The following CECR2 variants were observed in gnomAD, a reference collection of about 807,000 sequenced individuals.
The protein encoded by CECR2 is CECR2 histone acetyl-lysine reader.
In CECR2, 30 loss-of-function variants were observed where a neutral mutation model predicts 154.5. The ratio of observed to expected loss-of-function variants is 0.19; its 90% CI spans 0.15 to 0.26. The LOEUF (loss-of-function observed/expected upper bound fraction) is 0.26, where lower values mean the gene tolerates loss of function less well. CECR2 is among the 10% of genes least tolerant of loss of function. The pLI is 1.00. For missense variants in CECR2, 1,743 were observed against 1,829.3 expected, an observed-to-expected ratio of 0.95 and a Z score of 0.86; for synonymous variants, 725 against 683.7, an observed-to-expected ratio of 1.06 and a Z score of -0.94.
chr22:17,410,270 C>T (rs1308535147), intron 1 of CECR2, among the ~76,000 whole-genome samples: 11 of 152,208 alleles, frequency 7.2e-5, no homozygotes, highest in East Asian at 1.9e-4. Flanking sequence ...TGAGCCACCG[C>T]GCCCGGCCCT....
chr22:17,414,180 G>A (rs1433251865), intron 1 of CECR2, among the ~76,000 whole-genome samples: 6 of 151,640 alleles, frequency 4.0e-5, no homozygotes, highest in African/African-American at 7.3e-5. Context: ...CACTGTGTTA[G>A]CCAGGATGGT....
chr22:17,529,019 G>T (rs530937539), intron 9 of CECR2, among the ~76,000 whole-genome samples: 2 of 152,082 alleles, frequency 1.3e-5, no homozygotes, highest in East Asian at 3.9e-4. Context: ...CCCCTTGAGC[G>T]CAGGAGATCG....
chr22:17,482,008 G>A (rs60014742), intron 2 of CECR2, among the ~76,000 whole-genome samples: 34,261 of 149,052 alleles, frequency 0.23, 4,558 homozygotes, highest in Non-Finnish European at 0.3. Context: ...CCAGCTACTC[G>A]GGAGACTGAG....
intron 1 of CECR2, among the ~76,000 whole-genome samples, chr22:17,406,962 A>C (rs1249702292): frequency 6.6e-6 from 1 of 152,208 alleles, no homozygotes; most frequent in Non-Finnish European, 1.5e-5. Context: ...GTAAACAAGC[A>C]GATGTGTCAG....
At chr22:17,372,056 C>T (rs537161438) in intron 1 of CECR2, among the ~76,000 whole-genome samples, 21 of 152,272 alleles carry the variant, frequency 1.4e-4, no homozygotes, top group African/African-American at 4.6e-4. Context: ...TATGACTGTC[C>T]TCTCTTTTGA....
At chr22:17,364,926 G>T (rs1234415861), upstream of CECR2, among the ~76,000 whole-genome samples, 3 of 152,126 alleles carry the variant, frequency 2.0e-5, no homozygotes, top group Admixed American at 1.3e-4. Flanking sequence ...TGGCTGAACA[G>T]TTAGATTTGG....
intron 1 of CECR2, among the ~76,000 whole-genome samples, chr22:17,463,875 G>C (rs2518752): frequency 0.29 from 43,957 of 152,010 alleles, 6,952 homozygotes; most frequent in Non-Finnish European, 0.36. Flanking sequence ...AGAGGTCCAA[G>C]GGGTGGTTCT....
At chr22:17,524,292 G>A (rs1207121066) in intron 9 of CECR2, 21 bp downstream of exon 9, 2 of 1,601,944 alleles carry the variant, frequency 1.2e-6, no homozygotes, top group Non-Finnish European at 1.7e-6. Flanking sequence ...TGTCCGCGTG[G>A]TCTGGAGAGG....
intron 16 of CECR2, among the ~76,000 whole-genome samples, chr22:17,547,090 TACAC>T (rs2056626465): frequency 6.6e-6 from 1 of 151,548 alleles, no homozygotes; most frequent in East Asian, 1.9e-4. Context: ...TACACACACT[TACAC>T]ACTATTGTAT....
chr22:17,414,819 A>G (rs1218133046), intron 1 of CECR2, among the ~76,000 whole-genome samples: 2 of 151,976 alleles, frequency 1.3e-5, no homozygotes, highest in Admixed American at 1.3e-4. Flanking sequence ...GGGCAGTGGG[A>G]GTGGATTATA....
At chr22:17,541,720 C>G (rs551511076) in intron 14 of CECR2, 119 bp from the exon 15 acceptor site, 3 of 1,259,050 alleles carry the variant, frequency 2.4e-6, no homozygotes, top group Non-Finnish European at 3.2e-6. Context: ...TGTCTCCAGC[C>G]GAGGTTTAGT....
rs189252201 is a variant in CECR2, at chr22:17,487,426, G to A, written c.221+9744G>A. On this transcript the variant is annotated intron_variant, in intron 2 of 18. Coordinates refer to ENST00000262608, the MANE Select transcript of CECR2 (RefSeq NM_001290047.2). The stretch of plus-strand genomic sequence containing the variant: ...TAAAAATATTTTTCATTGGTTGGGC[G>A]CGGTGGCTCATGCCTGTAATCCCAG... Among the ~76,000 whole-genome samples, 8 of 152,276 alleles carry A rather than the reference G, an allele frequency of 5.3e-5. No individual in the cohort carries two copies. The East Asian group carries it at 5.8e-4, about 11-fold the overall frequency.
At position 17,482,102 on chromosome 22, in the gene CECR2, G is replaced by A. The variant is rs189033353; in HGVS notation, c.221+4420G>A. Among the ~76,000 whole-genome samples the A allele has an allele frequency of 6.5e-3, 702 of 108,738 alleles. 19 individuals are homozygous for A. The highest frequency in any genetic ancestry group is 0.025 in the African/African-American group (657 of 25,932). 71.3% of individuals were successfully genotyped at this position (108,738 alleles called of 152,430 possible). A position where few individuals can be genotyped will look rare whatever the true frequency, so the allele number is the denominator to read the frequency against. Reference sequence around the variant, plus strand: ...TGCTCTCCAGCCTGGGTGACAGATCGAGACTCTGTCTCCAAAAAAAAAAAA... The same window carrying A: ...TGCTCTCCAGCCTGGGTGACAGATCAAGACTCTGTCTCCAAAAAAAAAAAA... On this transcript the variant is annotated intron_variant, in intron 2 of 18. Coordinates refer to ENST00000262608, the MANE Select transcript of CECR2 (RefSeq NM_001290047.2).
intron 2 of CECR2, among the ~76,000 whole-genome samples, chr22:17,480,785 A>G (rs1249744458): frequency 6.6e-6 from 1 of 152,120 alleles, no homozygotes; most frequent in Admixed American, 6.5e-5. Context: ...CATGCCTATA[A>G]TCTCAGCACT....
intron 9 of CECR2, among the ~76,000 whole-genome samples, chr22:17,532,754 A>G (rs1296789): frequency 0.17 from 17,771 of 102,058 alleles, 1,638 homozygotes; most frequent in Non-Finnish European, 0.22. Flanking sequence ...GTCTCACTCT[A>G]TTACTCAGGC....
chr22:17,519,298 T>G (rs1331204938), intron 8 of CECR2, among the ~76,000 whole-genome samples: 14 of 148,414 alleles, frequency 9.4e-5, no homozygotes, highest in East Asian at 3.9e-4. Context: ...TTGTGTTTTT[T>G]TTTTTTTTTT....
intron 1 of CECR2, among the ~76,000 whole-genome samples, chr22:17,360,678 G>GA (rs34750748): frequency 1.4e-3 from 186 of 133,676 alleles, no homozygotes; most frequent in South Asian, 2.2e-3. Context: ...CTCCATCTCG[G>GA]AAAAAAAAAA....
At chr22:17,415,319 C>T (rs566811529) in intron 1 of CECR2, among the ~76,000 whole-genome samples, 1 of 152,260 alleles carries the variant, frequency 6.6e-6, no homozygotes, top group Non-Finnish European at 1.5e-5. Flanking sequence ...CTCACTGCAA[C>T]CTCCACCTCC....
intron 2 of CECR2, among the ~76,000 whole-genome samples, chr22:17,487,900 T>A (rs1237749730): frequency 6.7e-6 from 1 of 149,698 alleles, no homozygotes; most frequent in Admixed American, 6.6e-5. Flanking sequence ...TTATTTATTT[T>A]GAGAGAAGTC....
Sources: allele counts gnomAD v4.1 joint callset (sites outside exome capture counted in the v4.1 genomes callset), GRCh38; gene constraint gnomAD v4.1.1; transcripts MANE v1.5; gene names NCBI Gene and HGNC (gene_info 2026-07-23, HGNC 2026-07-21).